Variants in SHANK2 observed in about 807,000 individuals in gnomAD.
SHANK2 encodes the protein SH3 and multiple ankyrin repeat domains protein 2.
SHANK2 carries 43 observed loss-of-function variants against 133.7 expected under a neutral mutation model. That is an observed-to-expected ratio of 0.32 (90% CI 0.25 to 0.41). The LOEUF is 0.41. Ranked by LOEUF, SHANK2 falls within the 10% of genes least tolerant of loss-of-function variation. The pLI, the probability that SHANK2 is intolerant of heterozygous loss-of-function variation, is 1.00. For missense variants in SHANK2, 1,994 were observed against 2,235.8 expected (o/e 0.89, Z 2.18); for synonymous variants, 1,017 against 952.8 (o/e 1.07, Z -1.24).
intron 24 of SHANK2, 75 bp downstream of exon 24, chr11:70,489,253 A>C (rs2058853190): frequency 5.0e-6 from 7 of 1,408,316 alleles, no homozygotes; most frequent in Non-Finnish European, 7.1e-6. Flanking sequence ...AAGGAGTACT[A>C]ATTTAAGAAT....
At chr11:71,209,404 C>G (rs1261836131) in intron 2 of SHANK2, among the ~76,000 whole-genome samples, 1 of 152,236 alleles carries the variant, frequency 6.6e-6, no homozygotes, top group Non-Finnish European at 1.5e-5. Flanking sequence ...CAGGAGGGAG[C>G]TTCGGTTCGC....
intron 17 of SHANK2, among the ~76,000 whole-genome samples, chr11:70,642,615 G>T (rs781954083): frequency 6.6e-6 from 1 of 152,154 alleles, no homozygotes; most frequent in Non-Finnish European, 1.5e-5. Context: ...CACAGAGGCC[G>T]GGCTGCCACT....
chr11:71,067,340 T>C (rs1243793205), intron 9 of SHANK2, among the ~76,000 whole-genome samples: 1 of 152,220 alleles, frequency 6.6e-6, no homozygotes, highest in African/African-American at 2.4e-5. Context: ...CCAGACAAAT[T>C]GGCCTAGCCT....
At chr11:70,884,470 C>T (rs1481028136) in intron 11 of SHANK2, among the ~76,000 whole-genome samples, 2 of 152,354 alleles carry the variant, frequency 1.3e-5, no homozygotes, top group African/African-American at 4.8e-5. Flanking sequence ...TTGGAACTTT[C>T]CTAAGAGCTG....
intron 14 of SHANK2, among the ~76,000 whole-genome samples, chr11:70,744,124 G>C (rs937105630): frequency 7.2e-5 from 11 of 152,330 alleles, no homozygotes; most frequent in African/African-American, 2.4e-4. Context: ...TCCTACCCAA[G>C]GGGAGGAAAG....
chr11:71,183,671 T>A (rs1345941551), intron 2 of SHANK2, among the ~76,000 whole-genome samples: 3 of 152,124 alleles, frequency 2.0e-5, no homozygotes, highest in Non-Finnish European at 4.4e-5. Flanking sequence ...GAGAGATGAC[T>A]GGGGGCAGGT....
At chr11:71,061,247 T>G (rs1433882581) in intron 9 of SHANK2, among the ~76,000 whole-genome samples, 2 of 152,250 alleles carry the variant, frequency 1.3e-5, no homozygotes, top group Non-Finnish European at 2.9e-5. Flanking sequence ...CTGCATATTT[T>G]CTGTGGCTGC....
chr11:70,781,096 G>A (rs568132800), intron 14 of SHANK2, among the ~76,000 whole-genome samples: 9 of 151,974 alleles, frequency 5.9e-5, no homozygotes, highest in East Asian at 1.9e-4. Context: ...GGTTCCATTC[G>A]TCAGCTGACC....
intron 17 of SHANK2, among the ~76,000 whole-genome samples, chr11:70,620,620 C>T (rs1437863512): frequency 2.0e-5 from 3 of 151,882 alleles, no homozygotes; most frequent in South Asian, 2.1e-4. Flanking sequence ...CTGTTGTTAC[C>T]GTCTGAATGT....
chr11:70,861,874 A>C (rs572209355), intron 11 of SHANK2, among the ~76,000 whole-genome samples: 1 of 152,322 alleles, frequency 6.6e-6, no homozygotes, highest in Non-Finnish European at 1.5e-5. Context: ...GAGAACCAAA[A>C]GAACAAAGCA....
intron 5 of SHANK2, among the ~76,000 whole-genome samples, 189 bp downstream of exon 5, chr11:71,113,104 G>C (rs1951916479): frequency 6.6e-6 from 1 of 152,174 alleles, no homozygotes. Flanking sequence ...AGCCCCTGCT[G>C]CCTCCCGGGT....
At chr11:70,944,454 C>A (rs775879611) in intron 10 of SHANK2, among the ~76,000 whole-genome samples, 12 of 152,216 alleles carry the variant, frequency 7.9e-5, no homozygotes, top group Non-Finnish European at 1.8e-4. Flanking sequence ...ATAGGAGGGG[C>A]CGATTCGAGA....
At chr11:71,135,869 TTC>T (rs1952429724) in intron 3 of SHANK2, among the ~76,000 whole-genome samples, 1 of 152,062 alleles carries the variant, frequency 6.6e-6, no homozygotes, top group South Asian at 2.1e-4. Context: ...CCTAGAGAAC[TTC>T]TGACAGTCTG....
intron 3 of SHANK2, among the ~76,000 whole-genome samples, chr11:71,124,695 G>A (rs1952149676): frequency 6.6e-6 from 1 of 152,150 alleles, no homozygotes; most frequent in African/African-American, 2.4e-5. Flanking sequence ...AGTTCTTGCT[G>A]TTCAAGTGAT....
At chr11:71,197,930 AG>A (rs1953941049) in intron 2 of SHANK2, among the ~76,000 whole-genome samples, 1 of 152,168 alleles carries the variant, frequency 6.6e-6, no homozygotes, top group African/African-American at 2.4e-5. Context: ...GGGAAGAAGG[AG>A]TCGGGCACCC....
chr11:70,509,958 G>A (rs892891659), intron 17 of SHANK2, among the ~76,000 whole-genome samples: 8 of 152,220 alleles, frequency 5.3e-5, no homozygotes, highest in Non-Finnish European at 8.8e-5. Flanking sequence ...AACGGACTAA[G>A]AACTCAAGTG....
rs1951679427 is a variant in SHANK2 at position 71,099,329 on chromosome 11, C to T, written c.593-4641G>A. 2.0e-5 allele frequency among the ~76,000 whole-genome samples: 3 copies of T among 152,164 alleles called. No individual in the cohort carries two copies. In the South Asian group the frequency reaches 6.2e-4, roughly 32 times the overall value. ...ATAATAATGCATCGATATCGGTTCT[C>T]TAACTGTGAGAAGCGTACCATACGA... is the stretch of plus-strand genomic sequence containing the variant. On this transcript the variant is annotated intron_variant, in intron 6 of 25. Transcript: ENST00000601538.
chr11:70,871,734 A>G lies in SHANK2; in HGVS notation c.1174+24767T>C, dbSNP rs373940332. On this transcript the variant is annotated intron_variant, in intron 11 of 25. Coordinates refer to ENST00000601538, the MANE Select transcript of SHANK2 (RefSeq NM_012309.5). The stretch of plus-strand genomic sequence containing the variant: ...GTACTCAGGGGCCCTGCAGGGTTTT[A>G]CAGCAAACTGTGGCCACATGGGGGC... Among the ~76,000 whole-genome samples, 59 of 152,278 alleles carry G rather than the reference A, an allele frequency of 3.9e-4. 1 individual carries two copies. The East Asian group carries it at 6.0e-3, about 15-fold the overall frequency.
In SHANK2 at chr11:71,077,950, G is replaced by C. The variant is rs1033855933; in HGVS notation, c.913-2675C>G. Among the ~76,000 whole-genome samples, 43 of 152,022 alleles carry C rather than the reference G, an allele frequency of 2.8e-4. 1 individual carries two copies. The highest frequency in any genetic ancestry group is 2.6e-3 in the Admixed American group (39 of 15,262). On this transcript the variant is annotated intron_variant, in intron 8 of 25. Transcript: ENST00000601538. ...AGAGACTAATAAAAATGAAAATGTGGATGCCTGTGTGTCTACCCATCCCTA... is the reference window on the plus strand; with the variant it reads ...AGAGACTAATAAAAATGAAAATGTGCATGCCTGTGTGTCTACCCATCCCTA...
Sources: gnomAD v4.1 joint callset for allele counts (sites outside exome capture counted in the v4.1 genomes callset) on GRCh38, gnomAD v4.1.1 for gene constraint, MANE v1.5 for transcripts, NCBI Gene and HGNC (gene_info 2026-07-23, HGNC 2026-07-21) for gene names.